RNF128: variants seen among roughly 807,000 people sequenced by gnomAD.
The protein encoded by RNF128 is E3 ubiquitin-protein ligase RNF128.
Under a neutral mutation model 26.2 loss-of-function variants are expected in RNF128, and 13 were observed. The observed-to-expected ratio is 0.50, with a 90% confidence interval of 0.32 to 0.79. RNF128 has a LOEUF of 0.79. Among genes scored for constraint, RNF128 ranks in the 30% least tolerant of loss-of-function variants. The pLI is 0.03. For missense variants in RNF128, 315 were observed against 349.7 expected, an observed-to-expected ratio of 0.90 and a Z score of 0.79; for synonymous variants, 149 against 142.5, an observed-to-expected ratio of 1.05 and a Z score of -0.32.
rs111257384 is a variant in RNF128, at chrX:106,794,188, G to A, written c.1154-1392G>A. Reference sequence around the variant, plus strand: ...TTATTTATTGTACTATAGGATCCTAGACGTTTCTTTCATTCTATAATATCA... The same window carrying A: ...TTATTTATTGTACTATAGGATCCTAAACGTTTCTTTCATTCTATAATATCA... On this transcript the variant is annotated intron_variant, in intron 6 of 6. Coordinates refer to ENST00000255499, the MANE Select transcript of RNF128 (RefSeq NM_194463.2). 0.01 allele frequency among the ~76,000 whole-genome samples: 1,131 copies of A among 110,337 alleles called. 10 individuals are homozygous for A. The South Asian group carries it at 0.11, about 10-fold the overall frequency.
intron 2 of RNF128, among the ~76,000 whole-genome samples, chrX:106,775,104 C>A: frequency 8.9e-6 from 1 of 112,059 alleles, no homozygotes; most frequent in Non-Finnish European, 1.9e-5. Flanking sequence ...GCAGGTTCAG[C>A]CTGATACTAG....
intron 1 of RNF128, among the ~76,000 whole-genome samples, chrX:106,759,614 T>C (rs1930085801): frequency 9.0e-6 from 1 of 111,684 alleles, no homozygotes; most frequent in Non-Finnish European, 1.9e-5. Flanking sequence ...TAAAGAAAAA[T>C]GAGTTCCTGT....
At chrX:106,744,462 T>C (rs1463033781) in intron 1 of RNF128, among the ~76,000 whole-genome samples, 7 of 111,212 alleles carry the variant, frequency 6.3e-5, no homozygotes, top group African/African-American at 1.3e-4. Context: ...CATGAACTTA[T>C]GATTATTTTA....
At chrX:106,794,945 G>A (rs189335659) in intron 6 of RNF128, among the ~76,000 whole-genome samples, 1 of 111,387 alleles carries the variant, frequency 9.0e-6, no homozygotes, top group African/African-American at 3.3e-5. Flanking sequence ...TTTCAGCATT[G>A]CTAACACATA....
In RNF128 at chrX:106,726,856, G is replaced by A; in HGVS notation, c.-58G>A. ...CGCACCTGCTCAAGACCAGGGTCCTGCCAAGCGCTAGGAGGGCGCGTGCCA... is the reference window on the plus strand; with the variant it reads ...CGCACCTGCTCAAGACCAGGGTCCTACCAAGCGCTAGGAGGGCGCGTGCCA... On this transcript the variant is annotated 5_prime_UTR_variant, in exon 1 of 7. Transcript: ENST00000255499. The A allele has an allele frequency of 9.0e-7, 1 of 1,115,618 alleles. No homozygotes were observed. 91.9% of individuals were successfully genotyped at this position (1,115,618 alleles called of 1,213,427 possible). A position where few individuals can be genotyped will look rare whatever the true frequency, so the allele number is the denominator to read the frequency against.
intron 1 of RNF128, among the ~76,000 whole-genome samples, chrX:106,766,492 T>G (rs927779784): frequency 8.9e-6 from 1 of 112,563 alleles, no homozygotes; most frequent in Non-Finnish European, 1.9e-5. Context: ...TCATGTGTCT[T>G]TTGGCTGCAT....
At chrX:106,775,050 G>A (rs1444621481) in intron 2 of RNF128, among the ~76,000 whole-genome samples, 1 of 111,941 alleles carries the variant, frequency 8.9e-6, no homozygotes, top group Non-Finnish European at 1.9e-5. Flanking sequence ...AAAGTTAATT[G>A]GCTTCTATCC....
intron 1 of RNF128, among the ~76,000 whole-genome samples, chrX:106,720,302 A>T (rs1037802052): frequency 9.0e-6 from 1 of 111,672 alleles, no homozygotes; most frequent in Non-Finnish European, 1.9e-5. Context: ...AGTAGCAATC[A>T]AGTGCATACA....
In RNF128 at chrX:106,790,234, G is replaced by A. The variant is rs373865038; in HGVS notation, c.936G>A (p.Arg312=). The A allele has an allele frequency of 4.2e-6, 5 of 1,204,780 alleles. No homozygotes were observed. The highest frequency in any genetic ancestry group is 5.6e-6 in the Non-Finnish European group (5 of 890,535). Reference sequence around the variant, plus strand: ...TTGACCCATGGCTGTTAGAACACAGGACTTGCCCCATGTGCAAATGTGACA... The same window carrying A: ...TTGACCCATGGCTGTTAGAACACAGAACTTGCCCCATGTGCAAATGTGACA... ...TCVDPWLLEH[R]TCPMCKCDIL... The change falls in exon 5 of 7, where the codon AGG becomes AGA. Residue 312 remains arginine (R), a synonymous_variant. Transcript: ENST00000255499.
intron 1 of RNF128, among the ~76,000 whole-genome samples, chrX:106,729,376 GATA>G (rs1929463898): frequency 9.0e-6 from 1 of 110,858 alleles, no homozygotes; most frequent in African/African-American, 3.3e-5. Flanking sequence ...GTAAGATGGA[GATA>G]ATATTTATGT....
chrX:106,782,730 G>A (rs186487936), intron 2 of RNF128, among the ~76,000 whole-genome samples: 157 of 111,721 alleles, frequency 1.4e-3, no homozygotes, highest in Non-Finnish European at 2.6e-3. Flanking sequence ...TATATTGTAA[G>A]GAAATGGTAG....
At chrX:106,715,879 A>G (rs188642321) in intron 1 of RNF128, among the ~76,000 whole-genome samples, 57 of 111,394 alleles carry the variant, frequency 5.1e-4, no homozygotes, top group African/African-American at 1.8e-3. Context: ...TTCTCCTCAT[A>G]AAAGAGATTG....
In RNF128 at chrX:106,752,024, A is replaced by G. The variant is rs779365047; in HGVS notation, c.485-20889A>G. Among the ~76,000 whole-genome samples, 63 of 109,510 alleles carry G rather than the reference A, an allele frequency of 5.8e-4. 1 individual carries two copies. The highest frequency in any genetic ancestry group is 2.1e-3 in the African/African-American group (62 of 30,023). On this transcript the variant is annotated intron_variant, in intron 1 of 6. Coordinates refer to ENST00000255499, the MANE Select transcript of RNF128 (RefSeq NM_194463.2). Reference sequence around the variant, plus strand: ...GACTTCACCTTGCAATTTGGGTACCAGTTCAGCCACAGTAAAATAAAGCAC... The same window carrying G: ...GACTTCACCTTGCAATTTGGGTACCGGTTCAGCCACAGTAAAATAAAGCAC...
intron 1 of RNF128, among the ~76,000 whole-genome samples, chrX:106,704,325 C>T (rs897628372): frequency 9.5e-6 from 1 of 105,754 alleles, no homozygotes; most frequent in Non-Finnish European, 1.9e-5. Flanking sequence ...CCCAGCTACT[C>T]GGGAGGCTGA....
rs1929767246 is a variant in RNF128 at position 106,744,790 on chromosome X, C to A, written c.484+17393C>A. 2.7e-5 allele frequency among the ~76,000 whole-genome samples: 3 copies of A among 111,700 alleles called. No individual in the cohort carries two copies. In the South Asian group the frequency reaches 1.1e-3, roughly 42 times the overall value. On this transcript the variant is annotated intron_variant, in intron 1 of 6. Coordinates refer to ENST00000255499, the MANE Select transcript of RNF128 (RefSeq NM_194463.2). Reference sequence around the variant, plus strand: ...ATAAATAAATATTTTTTAAATTCCTCCGTGTTAATTTCTAATGTGGTAAAT... The same window carrying A: ...ATAAATAAATATTTTTTAAATTCCTACGTGTTAATTTCTAATGTGGTAAAT...
intron 2 of RNF128, among the ~76,000 whole-genome samples, chrX:106,780,472 C>G (rs764698162): frequency 5.4e-5 from 6 of 111,716 alleles, no homozygotes; most frequent in South Asian, 7.4e-4. Context: ...AATTGGCCAA[C>G]AACCAGCTTC....
At chrX:106,749,965 T>A (rs1315168038) in intron 1 of RNF128, among the ~76,000 whole-genome samples, 1 of 112,276 alleles carries the variant, frequency 8.9e-6, no homozygotes, top group Non-Finnish European at 1.9e-5. Context: ...GTAAAATAGT[T>A]ACAGATTTTG....
At chrX:106,695,597 G>A (rs1222686873) in intron 1 of RNF128, among the ~76,000 whole-genome samples, 1 of 111,813 alleles carries the variant, frequency 8.9e-6, no homozygotes, top group Middle Eastern at 4.2e-3. Context: ...CAAGAGCTCA[G>A]ACATTCACAT....
At chrX:106,720,067 G>A (rs1248314792) in intron 1 of RNF128, among the ~76,000 whole-genome samples, 3 of 111,026 alleles carry the variant, frequency 2.7e-5, no homozygotes. Flanking sequence ...AACCTGAAAA[G>A]GAAAGATAGG....
Sources: allele counts gnomAD v4.1 joint callset (sites outside exome capture counted in the v4.1 genomes callset), GRCh38; gene constraint gnomAD v4.1.1; transcripts MANE v1.5; gene names NCBI Gene and HGNC (gene_info 2026-07-23, HGNC 2026-07-21).